Variants in DENND1A observed in about 807,000 individuals in gnomAD.
DENND1A encodes DENN domain-containing protein 1A.
DENND1A carries 51 observed loss-of-function variants against 113.7 expected under a neutral mutation model. That is an observed-to-expected ratio of 0.45 (90% CI 0.36 to 0.57). The LOEUF is 0.57. Among genes scored for constraint, DENND1A ranks in the 20% least tolerant of loss-of-function variants. The pLI, the probability that DENND1A is intolerant of heterozygous loss-of-function variation, is 0.00. For missense variants in DENND1A, 1,258 were observed against 1,395.9 expected, an observed-to-expected ratio of 0.90 and a Z score of 1.57; for synonymous variants, 565 against 570.8, an observed-to-expected ratio of 0.99 and a Z score of 0.14.
intron 1 of DENND1A, among the ~76,000 whole-genome samples, chr9:123,895,530 G>A (rs1381834154): frequency 6.6e-6 from 1 of 151,658 alleles, no homozygotes; most frequent in Non-Finnish European, 1.5e-5. Context: ...GCTGAGGTAG[G>A]AGAATCACTT....
intron 8 of DENND1A, among the ~76,000 whole-genome samples, chr9:123,656,509 A>G (rs1483903345): frequency 6.6e-6 from 1 of 152,132 alleles, no homozygotes; most frequent in African/African-American, 2.4e-5. Flanking sequence ...GAATCACAGG[A>G]CTTGACGATG....
rs529944258 is a variant in DENND1A, at chr9:123,779,261, C to A, written c.133-9698G>T. ...AACACATTGCTTGTCCAATGACGTT[C>A]CATTAGATGAAGACTACAGAAGGGC... On this transcript the variant is annotated intron_variant, in intron 3 of 23. Transcript: ENST00000394215. Among the ~76,000 whole-genome samples, 38 of 152,342 alleles carry A rather than the reference C, an allele frequency of 2.5e-4. No individual in the cohort carries two copies. In the South Asian group the frequency reaches 7.9e-3, roughly 32 times the overall value.
intron 2 of DENND1A, among the ~76,000 whole-genome samples, chr9:123,844,471 C>G (rs530646812): frequency 2.0e-5 from 3 of 152,056 alleles, no homozygotes; most frequent in Admixed American, 2.0e-4. Flanking sequence ...TTTACAATAA[C>G]ATCAAAAAGA....
intron 18 of DENND1A, 138 bp downstream of exon 18, chr9:123,450,555 C>T: frequency 1.7e-6 from 1 of 598,492 alleles, no homozygotes; most frequent in Non-Finnish European, 2.8e-6. Flanking sequence ...TGTGAAAACT[C>T]CCGGACAGCT....
At chr9:123,484,137 A>G (rs1348629916) in intron 13 of DENND1A, among the ~76,000 whole-genome samples, 1 of 152,202 alleles carries the variant, frequency 6.6e-6, no homozygotes, top group Non-Finnish European at 1.5e-5. Context: ...TCAGAATCCT[A>G]GCAGCCATGG....
chr9:123,582,849 C>T (rs941017343), intron 12 of DENND1A, among the ~76,000 whole-genome samples: 2 of 152,084 alleles, frequency 1.3e-5, no homozygotes, highest in African/African-American at 4.8e-5. Flanking sequence ...CACGCATGCA[C>T]CACCATGCCT....
chr9:123,828,772 C>G (rs1180226462), intron 2 of DENND1A, among the ~76,000 whole-genome samples: 1 of 151,908 alleles, frequency 6.6e-6, no homozygotes, highest in Admixed American at 6.6e-5. Context: ...AAATAAATGC[C>G]AAGCTAGATT....
At chr9:123,403,840 G>T (rs1023773505) in intron 20 of DENND1A, among the ~76,000 whole-genome samples, 20 of 152,180 alleles carry the variant, frequency 1.3e-4, no homozygotes, top group Non-Finnish European at 2.8e-4. Flanking sequence ...CCTTATCAAT[G>T]ACAATTCCCT....
At chr9:123,663,723 C>A (rs2063358330) in intron 8 of DENND1A, among the ~76,000 whole-genome samples, 1 of 151,626 alleles carries the variant, frequency 6.6e-6, no homozygotes. Context: ...TCTTTTACAA[C>A]AAAATATTTG....
intron 18 of DENND1A, among the ~76,000 whole-genome samples, chr9:123,449,959 C>A (rs941185595): frequency 6.6e-6 from 1 of 150,574 alleles, no homozygotes; most frequent in African/African-American, 2.4e-5. Context: ...ACTCATGTAT[C>A]CAAATACCAC....
intron 5 of DENND1A, among the ~76,000 whole-genome samples, chr9:123,731,855 TAAA>T (rs1440682176): frequency 6.6e-6 from 1 of 152,200 alleles, no homozygotes; most frequent in Non-Finnish European, 1.5e-5. Context: ...TCAAGAAACT[TAAA>T]GAACACTTGA....
intron 19 of DENND1A, among the ~76,000 whole-genome samples, chr9:123,433,215 A>G (rs1041720790): frequency 1.3e-5 from 2 of 152,232 alleles, no homozygotes; most frequent in African/African-American, 4.8e-5. Flanking sequence ...AATTTCACTG[A>G]GGCTAAGTAA....
At chr9:123,901,931 G>T (rs7018625) in intron 1 of DENND1A, among the ~76,000 whole-genome samples, 1 of 152,006 alleles carries the variant, frequency 6.6e-6, no homozygotes, top group African/African-American at 2.4e-5. Flanking sequence ...GTGTGAACCC[G>T]GGAGACAGAG....
At chr9:123,511,814 G>C (rs2053484818) in intron 13 of DENND1A, among the ~76,000 whole-genome samples, 3 of 152,238 alleles carry the variant, frequency 2.0e-5, no homozygotes, top group Admixed American at 6.5e-5. Flanking sequence ...GGACAGGAGA[G>C]ACAGAAGAGC....
chr9:123,669,366 A>C (rs942430487), intron 7 of DENND1A, among the ~76,000 whole-genome samples: 2 of 152,252 alleles, frequency 1.3e-5, no homozygotes, highest in African/African-American at 4.8e-5. Flanking sequence ...GTGAGCCAAC[A>C]CAATTCCAAA....
At chr9:123,842,986 T>A (rs1296971872) in intron 2 of DENND1A, 1 of 396,728 alleles carries the variant, frequency 2.5e-6, no homozygotes, top group Non-Finnish European at 4.9e-6. Flanking sequence ...ATGCAGTAGT[T>A]CCCCAAGTCC....
At chr9:123,485,644 A>C (rs868057686) in intron 13 of DENND1A, 1 of 64,402 alleles carries the variant, frequency 1.6e-5, no homozygotes. Flanking sequence ...GCGTACACAC[A>C]CGCGCGCGCG....
At chr9:123,411,917 C>T in intron 19 of DENND1A, 88 bp from the exon 20 acceptor site, 1 of 918,892 alleles carries the variant, frequency 1.1e-6, no homozygotes. Context: ...GGCACCCAGT[C>T]ACCTAAGCCA....
rs750824179 is a variant in DENND1A, at chr9:123,878,959, G to C, written c.80C>G (p.Thr27Ser). 1 of 1,613,968 alleles carries C rather than the reference G, an allele frequency of 6.2e-7. No individual in the cohort carries two copies. The highest frequency in any genetic ancestry group is 1.1e-5 in the South Asian group (1 of 91,070). ...VEVAYPRTGG[T>S]LSDPEVQRQF... is the part of the protein sequence containing the mutation. ...TCAAACATGCAAAGTACCTGAAAGAGTGCCACCTGTCCTGGGATAGGCCAC... is the reference window on the plus strand; with the variant it reads ...TCAAACATGCAAAGTACCTGAAAGACTGCCACCTGTCCTGGGATAGGCCAC... Residue 27 changes from threonine (T) to serine (S), a missense_variant, in exon 2 of 24, where the codon ACT becomes AGT. Coordinates refer to ENST00000394215, the MANE Select transcript of DENND1A (RefSeq NM_001352964.2).
Sources: gnomAD v4.1 joint callset for allele counts (sites outside exome capture counted in the v4.1 genomes callset) on GRCh38, gnomAD v4.1.1 for gene constraint, MANE v1.5 for transcripts, NCBI Gene and HGNC (gene_info 2026-07-23, HGNC 2026-07-21) for gene names.